The following DHRS7C variants were observed in gnomAD, a reference collection of about 807,000 sequenced individuals.
DHRS7C encodes the protein dehydrogenase/reductase 7C.
DHRS7C carries 28 observed loss-of-function variants against 29.6 expected under a neutral mutation model. The ratio of observed to expected loss-of-function variants is 0.95; its 90% CI spans 0.70 to 1.30. The LOEUF is 1.30. Ranked by LOEUF, DHRS7C falls within the 50% of genes most tolerant of loss-of-function variation. The probability of loss-of-function intolerance (pLI) is 0.00; values close to 1 mark genes in which losing one functional copy is unlikely to be tolerated. For missense variants in DHRS7C, 403 were observed against 393.3 expected, an observed-to-expected ratio of 1.02 and a Z score of -0.21; for synonymous variants, 158 against 160.2, an observed-to-expected ratio of 0.99 and a Z score of 0.10.
chr17:9,771,845 G>T, intron 5 of DHRS7C, 149 bp from the exon 6 acceptor site: 1 of 696,918 alleles, frequency 1.4e-6, no homozygotes, highest in Non-Finnish European at 2.0e-6. Context: ...CCCGCGGACC[G>T]CGGCGACCAG....
rs1329238343 is a variant in DHRS7C at position 9,775,032 on chromosome 17, T to C, written c.572-2110A>G. On this transcript the variant is annotated intron_variant, in intron 4 of 5. Transcript: ENST00000571134. The surrounding 1 kb of genome is among the most constrained non-coding windows in gnomAD (Gnocchi z 4.2). Reference sequence around the variant, plus strand: ...TGTTTTGCAAATGTTCCCAGGAAACTCGTGCATTTGTCCTATACGGGTCAG... The same window carrying C: ...TGTTTTGCAAATGTTCCCAGGAAACCCGTGCATTTGTCCTATACGGGTCAG... Among the ~76,000 whole-genome samples, 1 of 152,224 alleles carries C rather than the reference T, an allele frequency of 6.6e-6. No homozygotes were observed. The highest frequency in any genetic ancestry group is 1.9e-4 in the East Asian group (1 of 5,200).
At chr17:9,787,664 AT>A (rs2066431704) in intron 1 of DHRS7C, among the ~76,000 whole-genome samples, 1 of 152,290 alleles carries the variant, frequency 6.6e-6, no homozygotes, top group Admixed American at 6.5e-5. Flanking sequence ...GCCATCGATG[AT>A]GAGCTGTTGC....
intron 1 of DHRS7C, among the ~76,000 whole-genome samples, chr17:9,782,517 T>C (rs537939799): frequency 1.3e-5 from 2 of 152,070 alleles, no homozygotes; most frequent in East Asian, 3.9e-4. Flanking sequence ...GGATCGGCCT[T>C]TGTACACCAG....
intron 1 of DHRS7C, among the ~76,000 whole-genome samples, chr17:9,783,930 G>A (rs2066407373): frequency 6.9e-6 from 1 of 144,238 alleles, no homozygotes; most frequent in Non-Finnish European, 1.5e-5. Context: ...AACAGAGTGA[G>A]ACTCTGTTTT....
intron 3 of DHRS7C, among the ~76,000 whole-genome samples, chr17:9,779,273 A>T (rs1041719451): frequency 6.6e-6 from 1 of 152,180 alleles, no homozygotes; most frequent in Non-Finnish European, 1.5e-5. Flanking sequence ...AGACAGGTTC[A>T]CGTAGGAATC....
At chr17:9,773,113 A>G (rs1277474827) in intron 4 of DHRS7C, among the ~76,000 whole-genome samples, 191 bp from the exon 5 acceptor site, 1 of 152,094 alleles carries the variant, frequency 6.6e-6, no homozygotes, top group Non-Finnish European at 1.5e-5. Flanking sequence ...TAGAGCTGGA[A>G]CTGAATGCAG....
chr17:9,782,679 A>AACTCTAGGC (rs1435716567), intron 1 of DHRS7C, among the ~76,000 whole-genome samples: 1 of 152,238 alleles, frequency 6.6e-6, no homozygotes, highest in Non-Finnish European at 1.5e-5. Flanking sequence ...ATTTGCAGCC[A>AACTCTAGGC]ACTCTTACAG....
At chr17:9,789,805 C>T (rs190330442) in intron 1 of DHRS7C, among the ~76,000 whole-genome samples, 31 of 152,238 alleles carry the variant, frequency 2.0e-4, no homozygotes, top group African/African-American at 7.5e-4. Flanking sequence ...CTCTCCAGGG[C>T]GGCACACTCC....
At chr17:9,786,288 C>A (rs539577115) in intron 1 of DHRS7C, among the ~76,000 whole-genome samples, 2 of 151,318 alleles carry the variant, frequency 1.3e-5, no homozygotes, top group East Asian at 3.9e-4. Context: ...GATCGTGCCA[C>A]TGCACTCCAG....
At chr17:9,773,404 G>C (rs1015101484) in intron 4 of DHRS7C, among the ~76,000 whole-genome samples, 2 of 152,002 alleles carry the variant, frequency 1.3e-5, no homozygotes, top group East Asian at 1.9e-4. Flanking sequence ...CCTTTTCCTC[G>C]GAGAGCCCGT....
chr17:9,772,616 C>T, intron 5 of DHRS7C, 151 bp downstream of exon 5: 3 of 1,058,160 alleles, frequency 2.8e-6, no homozygotes, highest in Admixed American at 5.8e-5. Context: ...TTTGGGGGCC[C>T]CGCCCTGCTG....
rs1202651509 is a variant in DHRS7C at position 9,774,429 on chromosome 17, T to C, written c.572-1507A>G. Among the ~76,000 whole-genome samples, 1 of 152,048 alleles carries C rather than the reference T, an allele frequency of 6.6e-6. No individual in the cohort carries two copies. Among genetic ancestry groups the C allele is most frequent in the Non-Finnish European group, 1.5e-5 (1 of 67,996 alleles). ...CCTCCCGAGTAACTGAGATTATGGGTACACACCATCATGCCTGGCTAATTT... is the reference window on the plus strand; with the variant it reads ...CCTCCCGAGTAACTGAGATTATGGGCACACACCATCATGCCTGGCTAATTT... On this transcript the variant is annotated intron_variant, in intron 4 of 5. Transcript: ENST00000571134. The surrounding 1 kb of genome is among the most constrained non-coding windows in gnomAD (Gnocchi z 5.0).
chr17:9,773,741 T>TTTTTTTTTTTTTTTTTTC lies in DHRS7C; in HGVS notation c.572-820_572-819insGAAAAAAAAAAAAAAAAA, dbSNP rs57969612. Among the ~76,000 whole-genome samples, 3 of 129,290 alleles carry TTTTTTTTTTTTTTTTTTC rather than the reference T, an allele frequency of 2.3e-5. 1 individual carries two copies. The highest frequency in any genetic ancestry group is 6.4e-5 in the African/African-American group (2 of 31,042). 84.8% of individuals were successfully genotyped at this position (129,290 alleles called of 152,430 possible). A position where few individuals can be genotyped will look rare whatever the true frequency, so the allele number is the denominator to read the frequency against. ...GGCCTTTTTTTTTTTTTTTTTTTTT[T>TTTTTTTTTTTTTTTTTTC]TGAGACGGCGTCTCACTCTGTTGCC... On this transcript the variant is annotated intron_variant, in intron 4 of 5. Transcript: ENST00000571134.
intron 1 of DHRS7C, among the ~76,000 whole-genome samples, chr17:9,784,026 T>C (rs752451486): frequency 6.6e-6 from 1 of 151,028 alleles, no homozygotes; most frequent in Non-Finnish European, 1.5e-5. Context: ...TACACCAAAA[T>C]ATACTAAGTA....
At chr17:9,786,939 T>C (rs1326776133) in intron 1 of DHRS7C, among the ~76,000 whole-genome samples, 1 of 152,130 alleles carries the variant, frequency 6.6e-6, no homozygotes, top group East Asian at 1.9e-4. Flanking sequence ...CCTCTCTTGA[T>C]GATGAGCATC....
At chr17:9,786,093 C>T (rs941771390) in intron 1 of DHRS7C, among the ~76,000 whole-genome samples, 6 of 151,792 alleles carry the variant, frequency 4.0e-5, no homozygotes, top group Admixed American at 6.6e-5. Context: ...GAGGCCGAGG[C>T]GGGTGGATTA....
chr17:9,790,194 C>A (rs1567705112), intron 1 of DHRS7C, among the ~76,000 whole-genome samples: 2 of 152,058 alleles, frequency 1.3e-5, no homozygotes. Flanking sequence ...ACTCTCGGGG[C>A]AATGCTCAGG....
At chr17:9,780,165 G>C in intron 2 of DHRS7C, 130 bp from the exon 3 acceptor site, 3 of 753,514 alleles carry the variant, frequency 4.0e-6, no homozygotes, top group Non-Finnish European at 6.2e-6. Flanking sequence ...AAAAAAAAAA[G>C]ACGAAGAAGC....
chr17:9,776,122 G>A (rs1457047517), intron 4 of DHRS7C, among the ~76,000 whole-genome samples: 1 of 152,220 alleles, frequency 6.6e-6, no homozygotes, highest in African/African-American at 2.4e-5. Context: ...AGAATCTCTT[G>A]ATCCTGGGAG....
Sources: allele counts gnomAD v4.1 joint callset (sites outside exome capture counted in the v4.1 genomes callset), GRCh38; gene constraint gnomAD v4.1.1; non-coding constraint Gnocchi (gnomAD v3.1); transcripts MANE v1.5; gene names NCBI Gene and HGNC (gene_info 2026-07-23, HGNC 2026-07-21).